Variants in ARHGEF3 observed in about 807,000 individuals in gnomAD.
The protein encoded by ARHGEF3 is 59.8 kDA protein.
Under a neutral mutation model 63.2 loss-of-function variants are expected in ARHGEF3, and 28 were observed. The ratio of observed to expected loss-of-function variants is 0.44; its 90% CI spans 0.33 to 0.61. The LOEUF is 0.61. ARHGEF3 is among the 20% of genes least tolerant of loss of function. ARHGEF3 has a pLI of 0.03. For missense variants in ARHGEF3, 533 were observed against 659.3 expected (o/e 0.81, Z 2.10); for synonymous variants, 266 against 254.2 (o/e 1.05, Z -0.44).
intron 4 of ARHGEF3, among the ~76,000 whole-genome samples, chr3:56,834,391 C>T (rs565905750): frequency 6.6e-6 from 1 of 152,104 alleles, no homozygotes; most frequent in South Asian, 2.1e-4. Flanking sequence ...TAGAAGCATA[C>T]TATATATCTA....
chr3:57,023,151 G>A (rs1270860048), intron 2 of ARHGEF3, among the ~76,000 whole-genome samples: 2 of 152,118 alleles, frequency 1.3e-5, no homozygotes, highest in African/African-American at 2.4e-5. Context: ...ATCAGGGCAG[G>A]GACCACCACA....
chr3:57,079,163 G>C (rs992076697), intron 1 of ARHGEF3: 6 of 391,760 alleles, frequency 1.5e-5, no homozygotes, highest in African/African-American at 1.2e-4. Context: ...TCCCGCCAAA[G>C]GGGTGTCTAG....
exon 3 of ARHGEF3, chr3:56,958,882 G>T (rs535956308): frequency 5.4e-5 from 84 of 1,550,936 alleles, no homozygotes; most frequent in Non-Finnish European, 7.2e-5. Flanking sequence ...TGCCGCTGCC[G>T]TTTAGGCCTA....
chr3:57,059,813 A>G (rs573316979), intron 1 of ARHGEF3, among the ~76,000 whole-genome samples: 78 of 152,116 alleles, frequency 5.1e-4, no homozygotes, highest in African/African-American at 1.8e-3. Context: ...CCTGACAAAC[A>G]TGGAGAAACC....
chr3:56,900,223 C>T (rs2041458797), intron 3 of ARHGEF3, among the ~76,000 whole-genome samples: 1 of 152,204 alleles, frequency 6.6e-6, no homozygotes, highest in Admixed American at 6.5e-5. Flanking sequence ...GTTATAACAA[C>T]AGGTATTTGG....
In ARHGEF3 at chr3:56,729,333, A is replaced by G; in HGVS notation, c.1518T>C (p.Cys506=). ...SMDTSEVSLD[C]ERMEQTDSSC... is the part of the protein sequence containing the mutation. Reference sequence around the variant, plus strand: ...AAGAGTCTGTCTGTTCCATGCGCTCACAGTCGAGGCTGACCTCACTCGTGT... The same window carrying G: ...AAGAGTCTGTCTGTTCCATGCGCTCGCAGTCGAGGCTGACCTCACTCGTGT... Residue 506 remains cysteine (C), a synonymous_variant, in exon 10 of 10, where the codon TGT becomes TGC. Transcript: ENST00000296315. The G allele has an allele frequency of 6.2e-7, 1 of 1,614,086 alleles. No individual in the cohort carries two copies. The highest frequency in any genetic ancestry group is 8.5e-7 in the Non-Finnish European group (1 of 1,180,028).
At chr3:57,030,653 G>A (rs57478547) in intron 2 of ARHGEF3, among the ~76,000 whole-genome samples, 25,849 of 152,010 alleles carry the variant, frequency 0.17, 2,551 homozygotes, top group East Asian at 0.4. Flanking sequence ...CTTTGCACCT[G>A]AGGAAACTGT....
intron 1 of ARHGEF3, among the ~76,000 whole-genome samples, chr3:56,776,204 C>G (rs949083444): frequency 6.6e-6 from 1 of 152,130 alleles, no homozygotes; most frequent in Non-Finnish European, 1.5e-5. Flanking sequence ...TTTGCATGAC[C>G]CAGTCGGACA....
intron 4 of ARHGEF3, among the ~76,000 whole-genome samples, chr3:56,868,507 C>G (rs950005373): frequency 2.6e-5 from 4 of 151,892 alleles, no homozygotes; most frequent in African/African-American, 9.7e-5. Context: ...GGAGTACAGG[C>G]GTGTGCCACC....
At chr3:56,812,948 A>G (rs2038125062) in intron 4 of ARHGEF3, among the ~76,000 whole-genome samples, 1 of 152,310 alleles carries the variant, frequency 6.6e-6, no homozygotes, top group Non-Finnish European at 1.5e-5. Context: ...GGTAGGGAGG[A>G]AAGAAGGTAA....
At chr3:56,737,099 G>C in intron 8 of ARHGEF3, 86 bp downstream of exon 8, 1 of 1,380,672 alleles carries the variant, frequency 7.2e-7, no homozygotes, top group South Asian at 1.6e-5. Context: ...CCTAGATAGG[G>C]AAGAAATTCT....
rs1319114010 is a variant in ARHGEF3 at position 56,732,443 on chromosome 3, C to T, written c.1042-19G>A. 2 of 1,613,766 alleles carry T rather than the reference C, an allele frequency of 1.2e-6. No individual in the cohort carries two copies. Among genetic ancestry groups the T allele is most frequent in the East Asian group, 4.5e-5 (2 of 44,882 alleles). The stretch of plus-strand genomic sequence containing the variant: ...GCAGTTTCTAGAAGAAAAAAATCCA[C>T]AAGCTTTCATTAAGCAATAATGTAA... On this transcript the variant is annotated intron_variant, in intron 8 of 9. Coordinates refer to ENST00000296315, the MANE Select transcript of ARHGEF3 (RefSeq NM_019555.3).
At chr3:56,968,258 TTTAA>T (rs1700732256) in intron 2 of ARHGEF3, among the ~76,000 whole-genome samples, 12 of 36,886 alleles carry the variant, frequency 3.3e-4, no homozygotes, top group African/African-American at 4.8e-4. Flanking sequence ...ATATATAATA[TTTAA>T]ATATATAATA....
chr3:56,791,271 G>C (rs2037064145), intron 1 of ARHGEF3, among the ~76,000 whole-genome samples: 1 of 151,974 alleles, frequency 6.6e-6, no homozygotes, highest in Non-Finnish European at 1.5e-5. Flanking sequence ...AAATTAGCCA[G>C]GCATGGTGGC....
chr3:57,035,787 C>G (rs1218210515), intron 1 of ARHGEF3, among the ~76,000 whole-genome samples: 1 of 152,234 alleles, frequency 6.6e-6, no homozygotes, highest in Non-Finnish European at 1.5e-5. Flanking sequence ...CGGGCTGGAA[C>G]CCAGCTCTGC....
intron 3 of ARHGEF3, among the ~76,000 whole-genome samples, chr3:56,911,946 A>T (rs971235149): frequency 2.0e-5 from 3 of 151,434 alleles, no homozygotes; most frequent in African/African-American, 7.3e-5. Context: ...GAAAAAAAAA[A>T]TTACATATAT....
At chr3:57,025,047 G>A (rs1579114467) in intron 2 of ARHGEF3, among the ~76,000 whole-genome samples, 1 of 152,280 alleles carries the variant, frequency 6.6e-6, no homozygotes, top group South Asian at 2.1e-4. Flanking sequence ...CAAGGTAAAT[G>A]GCACCGCAAA....
Position 56,773,783 on chromosome 3 carries a change from G to A in ARHGEF3, c.130C>T (p.Arg44Ter), listed in dbSNP as rs539002604. Residue 44 changes from arginine to a stop codon, truncating the protein, a stop_gained, in exon 2 of 10, where the codon CGA becomes TGA. Coordinates refer to ENST00000296315, the MANE Select transcript of ARHGEF3 (RefSeq NM_019555.3). LOFTEE classifies it high-confidence loss of function. ...ATGAGGTTTGCTAGCGACGTGACTC[G>A]GGAAAGGGGTTTGACCCGTTTATTA... ...PSNKRVKPLS[R>*]VTSLANLIPP... 5.0e-6 allele frequency: 8 copies of A among 1,603,444 alleles called. No individual in the cohort carries two copies. Among genetic ancestry groups the A allele is most frequent in the East Asian group, 2.2e-5 (1 of 44,604 alleles).
Position 56,772,996 on chromosome 3 carries a change from C to T in ARHGEF3, c.204+713G>A, listed in dbSNP as rs530450196. On this transcript the variant is annotated intron_variant, in intron 2 of 9. Coordinates refer to ENST00000296315, the MANE Select transcript of ARHGEF3 (RefSeq NM_019555.3). ...GTTAGAACCCAAGGTACTTCCACTC[C>T]GAGGTCCTTAGGTCCTCATTCTAAG... Among the ~76,000 whole-genome samples the T allele has an allele frequency of 7.2e-5, 11 of 152,230 alleles. No homozygotes were observed. The South Asian group carries it at 1.9e-3, about 26-fold the overall frequency.
Sources: allele counts gnomAD v4.1 joint callset (sites outside exome capture counted in the v4.1 genomes callset), GRCh38; gene constraint gnomAD v4.1.1; transcripts MANE v1.5; gene names NCBI Gene and HGNC (gene_info 2026-07-23, HGNC 2026-07-21).